SH3PXD2B: variants seen among roughly 807,000 people sequenced by gnomAD.
SH3PXD2B encodes SH3 and PX domains 2B, also known as SH3 and PX domain-containing protein 2B.
In SH3PXD2B, 37 loss-of-function variants were observed where a neutral mutation model predicts 73.1. The ratio of observed to expected loss-of-function variants is 0.51; its 90% CI spans 0.39 to 0.67. SH3PXD2B has a LOEUF of 0.67. SH3PXD2B is among the 30% of genes least tolerant of loss of function. SH3PXD2B has a pLI of 0.00. For synonymous variants in SH3PXD2B, 457 were observed against 480.5 expected (o/e 0.95, Z 0.64); for missense variants, 1,053 against 1,197.8 (o/e 0.88, Z 1.78).
intron 2 of SH3PXD2B, among the ~76,000 whole-genome samples, chr5:172,410,855 C>G (rs1443188533): frequency 6.6e-6 from 1 of 152,212 alleles, no homozygotes; most frequent in Admixed American, 6.5e-5. Context: ...TTCCCCTTGT[C>G]ACAGATGAGG....
Position 172,350,447 on chromosome 5 carries a change from C to G in SH3PXD2B, c.928G>C (p.Val310Leu). 6.2e-7 allele frequency: 1 copy of G among 1,614,134 alleles called. No homozygotes were observed. The highest frequency in any genetic ancestry group is 1.1e-5 in the South Asian group (1 of 91,086). The change falls in exon 10 of 13, where the codon GTG (valine) becomes CTG (leucine). Residue 310 changes from valine to leucine, a missense_variant. By Grantham distance (32) the Val-to-Leu change is conservative (BLOSUM62 1). Around this residue, in one of 2 missense-constraint regions of SH3PXD2B, gnomAD observed 466 missense variants for 607.1 expected, o/e 0.77. Transcript: ENST00000311601. ...CTGAGCAGCTCCTTCTCCCTGCCCA[C>G]CGCGTTCTGCTGCCGGGAAACACCA... ...LDGVSRQQNA[V>L]GREKELLSSQ...
chr5:172,426,202 A>T (rs1298268856), intron 1 of SH3PXD2B, among the ~76,000 whole-genome samples: 1 of 152,208 alleles, frequency 6.6e-6, no homozygotes, highest in Non-Finnish European at 1.5e-5. Flanking sequence ...TCAACCCCTG[A>T]ACACAACGTG....
At chr5:172,449,379 G>C (rs1759744265) in intron 1 of SH3PXD2B, among the ~76,000 whole-genome samples, 1 of 152,118 alleles carries the variant, frequency 6.6e-6, no homozygotes, top group Non-Finnish European at 1.5e-5. Flanking sequence ...CAGACACAAG[G>C]GCATGTAGCC....
downstream of SH3PXD2B, among the ~76,000 whole-genome samples, chr5:172,331,773 G>GA (rs1304661322): frequency 6.6e-6 from 1 of 152,064 alleles, no homozygotes; most frequent in Non-Finnish European, 1.5e-5. Context: ...CCAACATGGT[G>GA]AAACCCTGTC....
Position 172,335,565 on chromosome 5 carries a change from GATTAAAGGAGCGT to G in SH3PXD2B, c.*2791_*2803del. On this transcript the variant is annotated 3_prime_UTR_variant, in exon 13 of 13. Transcript: ENST00000311601. ...ATCCGCCTCACAGGCTTGCCGTAAG[GATTAAAGGAGCGT>G]GTGTGTTTAGGCACTGGTCACCAGC... 2.4e-6 allele frequency: 3 copies of G among 1,231,806 alleles called. No homozygotes were observed. The highest frequency in any genetic ancestry group is 3.0e-6 in the Non-Finnish European group (3 of 988,006). The allele number at this position is 1,231,806 out of a possible 1,614,324, so 76.3% of individuals were successfully genotyped here.
chr5:172,378,695 G>A (rs927555411), intron 5 of SH3PXD2B, among the ~76,000 whole-genome samples: 1 of 152,180 alleles, frequency 6.6e-6, no homozygotes, highest in Non-Finnish European at 1.5e-5. Flanking sequence ...TTCTGTGAGG[G>A]AGGTGTCATC....
chr5:172,396,739 G>A (rs1758310705), intron 3 of SH3PXD2B, among the ~76,000 whole-genome samples: 1 of 151,808 alleles, frequency 6.6e-6, no homozygotes, highest in Admixed American at 6.6e-5. Context: ...CTGAGGTCAG[G>A]AATTTGAGAC....
chr5:172,343,336 A>G (rs751107140), intron 12 of SH3PXD2B, among the ~76,000 whole-genome samples: 1 of 152,254 alleles, frequency 6.6e-6, no homozygotes, highest in Non-Finnish European at 1.5e-5. Context: ...TCTGTATGTG[A>G]GGAACTGAAA....
At chr5:172,409,767 G>C (rs192369720) in intron 2 of SH3PXD2B, among the ~76,000 whole-genome samples, 2 of 152,248 alleles carry the variant, frequency 1.3e-5, no homozygotes, top group East Asian at 3.9e-4. Context: ...CCAGGCTGGA[G>C]TGCAATGGCA....
chr5:172,394,641 T>C lies in SH3PXD2B; in HGVS notation c.233-2A>G. ...GGCTTCGTCTGAAGAGAATCTTACC[T>C]GCAGAAGATGAGAGCAAAGACAGTG... On this transcript the variant is annotated splice_acceptor_variant, in intron 3 of 12. Coordinates refer to ENST00000311601, the MANE Select transcript of SH3PXD2B (RefSeq NM_001017995.3). LOFTEE classifies it high-confidence loss of function. The C allele has an allele frequency of 6.2e-7, 1 of 1,613,900 alleles. No homozygotes were observed. The highest frequency in any genetic ancestry group is 8.5e-7 in the Non-Finnish European group (1 of 1,179,916).
chr5:172,438,103 C>G (rs1231557166), intron 1 of SH3PXD2B, among the ~76,000 whole-genome samples: 1 of 152,216 alleles, frequency 6.6e-6, no homozygotes, highest in Non-Finnish European at 1.5e-5. Context: ...TCTGCTCCAG[C>G]CTGGCTGGCT....
intron 2 of SH3PXD2B, among the ~76,000 whole-genome samples, chr5:172,408,385 C>T (rs1481218325): frequency 6.6e-6 from 1 of 152,120 alleles, no homozygotes; most frequent in Non-Finnish European, 1.5e-5. Flanking sequence ...CCTCCCATCT[C>T]AGCCTCCAGA....
chr5:172,452,951 A>AC (rs2113527977), intron 1 of SH3PXD2B, among the ~76,000 whole-genome samples: 1 of 152,266 alleles, frequency 6.6e-6, no homozygotes, highest in Admixed American at 6.5e-5. Context: ...ATAGCTTCCC[A>AC]CCGCCTGGCT....
At chr5:172,382,956 T>G (rs540300135) in intron 4 of SH3PXD2B, among the ~76,000 whole-genome samples, 11 of 152,066 alleles carry the variant, frequency 7.2e-5, no homozygotes, top group African/African-American at 2.2e-4. Flanking sequence ...CAGGCTGGTC[T>G]CGAACTCCCG....
rs1438900518 is a variant in SH3PXD2B at position 172,335,683 on chromosome 5, A to T, written c.*2686T>A. The T allele has an allele frequency of 3.2e-6, 4 of 1,231,632 alleles. No individual in the cohort carries two copies. Among genetic ancestry groups the T allele is most frequent in the Non-Finnish European group, 4.0e-6 (4 of 987,992 alleles). 76.3% of individuals were successfully genotyped at this position (1,231,632 alleles called of 1,614,324 possible). Reference sequence around the variant, plus strand: ...TCCAGGGGAGTTCTGCATATGCGCCATCAATCGCTCACAGAATAGCGACCA... The same window carrying T: ...TCCAGGGGAGTTCTGCATATGCGCCTTCAATCGCTCACAGAATAGCGACCA... On this transcript the variant is annotated 3_prime_UTR_variant, in exon 13 of 13. Transcript: ENST00000311601.
chr5:172,440,268 A>C (rs1053913535), intron 1 of SH3PXD2B, among the ~76,000 whole-genome samples: 5 of 152,226 alleles, frequency 3.3e-5, no homozygotes, highest in African/African-American at 4.8e-5. Flanking sequence ...TCGAGATGGC[A>C]AAGTAGCAAT....
chr5:172,388,505 C>T (rs192427590), intron 4 of SH3PXD2B, among the ~76,000 whole-genome samples: 17 of 152,302 alleles, frequency 1.1e-4, no homozygotes, highest in African/African-American at 2.9e-4. Flanking sequence ...GTAACTTCCC[C>T]GTGGCTCATT....
chr5:172,416,630 C>CTTT (rs144781943), intron 2 of SH3PXD2B, among the ~76,000 whole-genome samples: 12 of 111,068 alleles, frequency 1.1e-4, no homozygotes, highest in African/African-American at 3.1e-4. Context: ...CCGGCCTCTA[C>CTTT]TTTTTTTTTT....
Position 172,338,480 on chromosome 5 carries a change from C to T in SH3PXD2B, c.2625G>A (p.Val875=). The T allele has an allele frequency of 6.2e-7, 1 of 1,614,068 alleles. No individual in the cohort carries two copies. Among genetic ancestry groups the T allele is most frequent in the Non-Finnish European group, 8.5e-7 (1 of 1,180,020 alleles). Reference sequence around the variant, plus strand: ...TGCTGTTCTTCTCCCGGACTTCAAACACTGTCCCTTCCTGGAAGCTGCTGG... The same window carrying T: ...TGCTGTTCTTCTCCCGGACTTCAAATACTGTCCCTTCCTGGAAGCTGCTGG... ...KDTSSFQEGT[V]FEVREKNSSG... The change falls in exon 13 of 13, where the codon GTG becomes GTA. Residue 875 remains valine, a synonymous_variant. Transcript: ENST00000311601. This position sits in a 1 kb window ranked among gnomAD's most constrained non-coding sequence, Gnocchi z 5.1.
Sources: allele counts gnomAD v4.1 joint callset (sites outside exome capture counted in the v4.1 genomes callset), GRCh38; gene constraint gnomAD v4.1.1; regional missense constraint gnomAD v4.1.1; non-coding constraint Gnocchi (gnomAD v3.1); transcripts MANE v1.5; gene names NCBI Gene and HGNC (gene_info 2026-07-23, HGNC 2026-07-21).